The following GREB1L variants were observed in gnomAD, a reference collection of about 807,000 sequenced individuals.
GREB1L encodes the protein GREB1-like protein.
A neutral mutation model predicts 200.8 loss-of-function variants in GREB1L; 17 were observed. The ratio of observed to expected loss-of-function variants is 0.08; its 90% CI spans 0.06 to 0.13. GREB1L has a LOEUF of 0.13. Ranked by LOEUF, GREB1L falls within the 10% of genes least tolerant of loss-of-function variation. GREB1L has a pLI of 1.00. For missense variants in GREB1L, 1,657 were observed against 2,367.7 expected (o/e 0.70, Z 6.23); for synonymous variants, 789 against 893.0 (o/e 0.88, Z 2.08).
At chr18:21,485,060 T>C (rs2036076511) in intron 17 of GREB1L, among the ~76,000 whole-genome samples, 1 of 152,180 alleles carries the variant, frequency 6.6e-6, no homozygotes, top group South Asian at 2.1e-4. Context: ...AAAATAGCTA[T>C]TCATTTTCAT....
intron 1 of GREB1L, among the ~76,000 whole-genome samples, chr18:21,251,473 A>G (rs1410916656): frequency 6.6e-6 from 1 of 152,238 alleles, no homozygotes. Flanking sequence ...CCACAGTTAA[A>G]CAACCATTAC....
chr18:21,440,249 G>GT lies in GREB1L; in HGVS notation c.950-13dup, dbSNP rs139131020. On this transcript the variant is annotated intron_variant, in intron 8 of 32. Transcript: ENST00000424526. ...GAGAACAAGACTATCTCTTTTTTTTGTTTTTTTGTTTGTCTTCAGCTACCA... is the reference window on the plus strand; with the variant it reads ...GAGAACAAGACTATCTCTTTTTTTTGTTTTTTTTGTTTGTCTTCAGCTACCA... 851 of 1,537,962 alleles carry GT rather than the reference G, an allele frequency of 5.5e-4. 7 individuals are homozygous for GT. The East Asian group carries it at 0.017, about 32-fold the overall frequency.
At position 21,524,782 on chromosome 18, in the gene GREB1L, T is replaced by TAA. The variant is rs1281007312; in HGVS notation, c.*1962_*1963insAA. 8 of 152,022 alleles carry TAA rather than the reference T, an allele frequency of 5.3e-5. No homozygotes were observed. The highest frequency in any genetic ancestry group is 1.2e-4 in the Non-Finnish European group (8 of 68,002). 9.4% of individuals were successfully genotyped at this position (152,022 alleles called of 1,614,324 possible). A position where few individuals can be genotyped will look rare whatever the true frequency, so the allele number is the denominator to read the frequency against. On this transcript the variant is annotated 3_prime_UTR_variant, in exon 33 of 33. Transcript: ENST00000424526. Reference sequence around the variant, plus strand: ...AGGGCTGCACTCTGAAAATTCAAATTATTATTATGAGCTCTTAAATACTAT... The same window carrying TAA: ...AGGGCTGCACTCTGAAAATTCAAATTAAATTATTATGAGCTCTTAAATACTAT...
At chr18:21,406,458 T>C (rs1393544281) in intron 7 of GREB1L, among the ~76,000 whole-genome samples, 2 of 152,242 alleles carry the variant, frequency 1.3e-5, no homozygotes, top group Non-Finnish European at 2.9e-5. Flanking sequence ...TAAAAGAAAG[T>C]GCCTTTATAA....
At chr18:21,430,526 C>G (rs1240340510) in intron 7 of GREB1L, among the ~76,000 whole-genome samples, 2 of 108,066 alleles carry the variant, frequency 1.9e-5, no homozygotes, top group African/African-American at 6.6e-5. Context: ...TTCACTTTTT[C>G]TAGTTTCTTA....
intron 2 of GREB1L, among the ~76,000 whole-genome samples, chr18:21,374,850 CTTTTT>C (rs535722957): frequency 1.5e-5 from 2 of 130,254 alleles, no homozygotes; most frequent in African/African-American, 2.9e-5. Context: ...TTTCCTTTTC[CTTTTT>C]TTTTTTTTTT....
In GREB1L at chr18:21,524,664, T is replaced by C. The variant is rs1206667985; in HGVS notation, c.*1843T>C. 6.6e-6 allele frequency: 1 copy of C among 152,212 alleles called. No individual in the cohort carries two copies. Among genetic ancestry groups the C allele is most frequent in the Non-Finnish European group, 1.5e-5 (1 of 68,026 alleles). 9.4% of individuals were successfully genotyped at this position (152,212 alleles called of 1,614,324 possible). A position where few individuals can be genotyped will look rare whatever the true frequency, so the allele number is the denominator to read the frequency against. Reference sequence around the variant, plus strand: ...CTGAAACAATTGTACCTGGGGTGGATGGCCTCTCAGGGTTTCTTCTGGCTT... The same window carrying C: ...CTGAAACAATTGTACCTGGGGTGGACGGCCTCTCAGGGTTTCTTCTGGCTT... On this transcript the variant is annotated 3_prime_UTR_variant, in exon 33 of 33. Coordinates refer to ENST00000424526, the MANE Select transcript of GREB1L (RefSeq NM_001142966.3).
intron 4 of GREB1L, among the ~76,000 whole-genome samples, chr18:21,386,705 C>T (rs1354292450): frequency 6.6e-6 from 1 of 150,892 alleles, no homozygotes; most frequent in East Asian, 2.0e-4. Context: ...CAGGATTCCA[C>T]CGTGTTAGCC....
chr18:21,245,866 T>C lies in GREB1L; in HGVS notation c.-120+3473T>C, dbSNP rs1311734107. Among the ~76,000 whole-genome samples the C allele has an allele frequency of 3.9e-5, 6 of 152,168 alleles. No individual in the cohort carries two copies. In the South Asian group the frequency reaches 6.2e-4, roughly 16 times the overall value. On this transcript the variant is annotated intron_variant, in intron 1 of 32. Transcript: ENST00000424526. ...CCTAGCAGCTGTGACTACAGGCGCCTGCCACCACGCCTGGCTAATTTTTTG... is the reference window on the plus strand; with the variant it reads ...CCTAGCAGCTGTGACTACAGGCGCCCGCCACCACGCCTGGCTAATTTTTTG...
At position 21,452,075 on chromosome 18, in the gene GREB1L, T is replaced by C; in HGVS notation, c.1850-8T>C. The stretch of plus-strand genomic sequence containing the variant: ...CCTTGTAACCTTCTTATCTCTATTT[T>C]GTAATAGGCGATGACCTAGACAAGC... On this transcript the variant is annotated splice_region_variant and splice_polypyrimidine_tract_variant and intron_variant, in intron 13 of 32. Transcript: ENST00000424526. The C allele has an allele frequency of 6.4e-7, 1 of 1,551,422 alleles. No individual in the cohort carries two copies.
At chr18:21,392,983 G>A (rs1460473205) in intron 4 of GREB1L, among the ~76,000 whole-genome samples, 1 of 152,070 alleles carries the variant, frequency 6.6e-6, no homozygotes, top group African/African-American at 2.4e-5. Context: ...CTGTTGCCTA[G>A]ACTGGTCTTG....
chr18:21,351,086 A>G (rs1483597011), intron 1 of GREB1L, among the ~76,000 whole-genome samples: 1 of 152,126 alleles, frequency 6.6e-6, no homozygotes, highest in African/African-American at 2.4e-5. Context: ...TAATCAATAC[A>G]CTGAAAAAGT....
At chr18:21,433,641 A>G (rs1314351863) in intron 7 of GREB1L, among the ~76,000 whole-genome samples, 2 of 152,250 alleles carry the variant, frequency 1.3e-5, no homozygotes, top group Non-Finnish European at 2.9e-5. Flanking sequence ...GAAGCATGTT[A>G]ACTCATCCAA....
At chr18:21,282,400 T>C (rs1207396820) in intron 1 of GREB1L, among the ~76,000 whole-genome samples, 1 of 152,212 alleles carries the variant, frequency 6.6e-6, no homozygotes, top group African/African-American at 2.4e-5. Flanking sequence ...TTACAAAATA[T>C]ATGAAATCCA....
At chr18:21,285,998 A>G (rs2144516935) in intron 1 of GREB1L, among the ~76,000 whole-genome samples, 1 of 152,358 alleles carries the variant, frequency 6.6e-6, no homozygotes, top group East Asian at 1.9e-4. Context: ...GATGAAGACC[A>G]GTTTATTTTC....
chr18:21,478,656 T>C (rs768776218), intron 17 of GREB1L, among the ~76,000 whole-genome samples: 12 of 152,190 alleles, frequency 7.9e-5, no homozygotes, highest in Non-Finnish European at 1.8e-4. Context: ...TAACTCAGTG[T>C]GTTCTATCAC....
chr18:21,264,285 C>T (rs1289701522), intron 1 of GREB1L, among the ~76,000 whole-genome samples: 2 of 150,848 alleles, frequency 1.3e-5, no homozygotes, highest in Admixed American at 6.6e-5. Context: ...AAAAAAAAAA[C>T]GATGACAACA....
Position 21,439,408 on chromosome 18 carries a change from G to A in GREB1L, c.833-113G>A, listed in dbSNP as rs959796692. 17 of 639,954 alleles carry A rather than the reference G, an allele frequency of 2.7e-5. 1 individual carries two copies. The highest frequency in any genetic ancestry group is 1.9e-4 in the South Asian group (10 of 52,050). The allele number at this position is 639,954 out of a possible 1,614,324, so 39.6% of individuals were successfully genotyped here. On this transcript the variant is annotated intron_variant, in intron 7 of 32. Transcript: ENST00000424526. The stretch of plus-strand genomic sequence containing the variant: ...TGTATAACTGGACTGAGTCCTATCC[G>A]TGAGGTTTCTTGGAATCCTAGAGTG...
intron 7 of GREB1L, among the ~76,000 whole-genome samples, chr18:21,416,122 C>T (rs1309438728): frequency 3.9e-5 from 6 of 151,918 alleles, no homozygotes; most frequent in Admixed American, 2.6e-4. Flanking sequence ...ATGACAGATA[C>T]GAAAAAGACC....
Sources: gnomAD v4.1 joint callset for allele counts (sites outside exome capture counted in the v4.1 genomes callset) on GRCh38, gnomAD v4.1.1 for gene constraint, MANE v1.5 for transcripts, NCBI Gene and HGNC (gene_info 2026-07-23, HGNC 2026-07-21) for gene names.